The following SP100 variants were observed in gnomAD, a reference collection of about 807,000 sequenced individuals.
The protein encoded by SP100 is nuclear autoantigen Sp-100.
In SP100, 84 loss-of-function variants were observed where a neutral mutation model predicts 130.0. The ratio of observed to expected loss-of-function variants is 0.65; its 90% confidence interval spans 0.54 to 0.77. SP100 has a LOEUF of 0.77. Ranked by LOEUF, SP100 falls within the 30% of genes least tolerant of loss-of-function variation. The pLI, the probability that SP100 is intolerant of heterozygous loss-of-function variation, is 0.00. For missense variants in SP100, 978 were observed against 1,052.2 expected (o/e 0.93, Z 0.97); for synonymous variants, 331 against 351.7 (o/e 0.94, Z 0.66).
intron 11 of SP100, among the ~76,000 whole-genome samples, chr2:230,465,731 C>T (rs1613630): frequency 0.24 from 36,825 of 151,926 alleles, 5,112 homozygotes; most frequent in Middle Eastern, 0.33. Flanking sequence ...ACATATACCC[C>T]CAAACCTAAA....
At chr2:230,482,792 T>TA (rs1367355587) in intron 17 of SP100, among the ~76,000 whole-genome samples, 1 of 152,142 alleles carries the variant, frequency 6.6e-6, no homozygotes, top group Non-Finnish European at 1.5e-5. Flanking sequence ...TAGTAAATAC[T>TA]AAAATTTTAT....
intron 24 of SP100, among the ~76,000 whole-genome samples, chr2:230,511,513 G>A (rs1019106301): frequency 3.9e-5 from 6 of 152,152 alleles, no homozygotes; most frequent in African/African-American, 1.4e-4. Flanking sequence ...GAAAATAAAA[G>A]CATTTTCAAG....
chr2:230,507,036 G>C (rs1690166516), intron 22 of SP100: 1 of 152,052 alleles, frequency 6.6e-6, no homozygotes, highest in South Asian at 2.1e-4. Flanking sequence ...CAAATACAGT[G>C]CTTTCTGTTG....
chr2:230,431,485 G>A (rs535953084), intron 2 of SP100, among the ~76,000 whole-genome samples: 10 of 152,294 alleles, frequency 6.6e-5, no homozygotes, highest in African/African-American at 2.4e-4. Context: ...TCCAAGGGAG[G>A]TGGTTCAGCT....
At position 230,449,693 on chromosome 2, in the gene SP100, A is replaced by G. The variant is rs373320116; in HGVS notation, c.719A>G (p.Gln240Arg). ...GSQQTNEQCA[Q>R]KAEPTESCEQ... ...CAACAAACAAATGAACAATGTGCTC[A>G]AAAGGCTGAGCCAACAGGTAAGACT... The change falls in exon 7 of 29, where the codon CAA becomes CGA. Residue 240 changes from glutamine (Q) to arginine (R), a missense_variant. Coordinates refer to ENST00000340126, the MANE Select transcript of SP100 (RefSeq NM_001080391.2). The G allele has an allele frequency of 4.5e-5, 73 of 1,614,178 alleles. No individual in the cohort carries two copies. The highest frequency in any genetic ancestry group is 6.2e-5 in the Non-Finnish European group (73 of 1,180,014).
intron 2 of SP100, among the ~76,000 whole-genome samples, chr2:230,435,998 G>C (rs1477523961): frequency 6.6e-6 from 1 of 152,176 alleles, no homozygotes; most frequent in African/African-American, 2.4e-5. Flanking sequence ...GCAAACTAAT[G>C]CAGGAATATT....
chr2:230,541,885 T>C lies in SP100; in HGVS notation c.2404-7T>C. 6.2e-7 allele frequency: 1 copy of C among 1,611,940 alleles called. No homozygotes were observed. The highest frequency in any genetic ancestry group is 8.5e-7 in the Non-Finnish European group (1 of 1,179,370). ...TGATAGCCTCATTTTGGTCTTTTAC[T>C]CAACAGAACAGAGAGGGGTCTCAGG... On this transcript the variant is annotated splice_polypyrimidine_tract_variant and splice_region_variant and intron_variant, in intron 27 of 28. Coordinates refer to ENST00000340126, the MANE Select transcript of SP100 (RefSeq NM_001080391.2).
chr2:230,433,355 T>G (rs1205154592), intron 2 of SP100, among the ~76,000 whole-genome samples: 1 of 152,212 alleles, frequency 6.6e-6, no homozygotes, highest in Non-Finnish European at 1.5e-5. Context: ...TTGTATTGAT[T>G]TTTATATATA....
chr2:230,436,912 ATG>A (rs1216046293), intron 2 of SP100, among the ~76,000 whole-genome samples: 1 of 141,946 alleles, frequency 7.0e-6, no homozygotes, highest in African/African-American at 2.5e-5. Context: ...ACACGCATAT[ATG>A]TGTATACACA....
At chr2:230,528,261 C>A (rs1270989667) in intron 24 of SP100, among the ~76,000 whole-genome samples, 3 of 152,202 alleles carry the variant, frequency 2.0e-5, no homozygotes, top group Non-Finnish European at 4.4e-5. Context: ...AATTAGAACT[C>A]AAGATTAATA....
At chr2:230,422,332 T>C (rs916987924) in intron 2 of SP100, among the ~76,000 whole-genome samples, 5 of 152,180 alleles carry the variant, frequency 3.3e-5, no homozygotes, top group Admixed American at 2.0e-4. Context: ...CTGGAAGAAT[T>C]CATCAAGTGT....
rs546586846 is a variant in SP100 at position 230,418,587 on chromosome 2, CT to C, written c.107+929del. On this transcript the variant is annotated intron_variant, in intron 2 of 28. Coordinates refer to ENST00000340126, the MANE Select transcript of SP100 (RefSeq NM_001080391.2). Reference sequence around the variant, plus strand: ...TTTGCTTAGTCATAATCTGGATGAACTTTTTTTCTTTTTTTTTTTAACATTC... The same window carrying C: ...TTTGCTTAGTCATAATCTGGATGAACTTTTTTCTTTTTTTTTTTAACATTC... Among the ~76,000 whole-genome samples, 1,429 of 147,052 alleles carry C rather than the reference CT, an allele frequency of 9.7e-3. 9 individuals carry two copies. Among genetic ancestry groups the C allele is most frequent in the South Asian group, 0.017 (77 of 4,666 alleles).
intron 2 of SP100, among the ~76,000 whole-genome samples, chr2:230,438,730 A>G (rs2063378685): frequency 6.6e-6 from 1 of 151,998 alleles, no homozygotes; most frequent in East Asian, 1.9e-4. Flanking sequence ...GTGTATATAT[A>G]CATATATATA....
chr2:230,439,447 A>G (rs1257225205), intron 2 of SP100, among the ~76,000 whole-genome samples: 2 of 151,980 alleles, frequency 1.3e-5, no homozygotes, highest in Middle Eastern at 3.2e-3. Flanking sequence ...ATGTGTTTCC[A>G]TTTGCTTGTG....
intron 17 of SP100, among the ~76,000 whole-genome samples, chr2:230,489,978 A>C (rs1475094355): frequency 1.3e-5 from 2 of 152,198 alleles, no homozygotes; most frequent in Admixed American, 6.5e-5. Flanking sequence ...ACTGAAAAGA[A>C]CATATATTCT....
intron 8 of SP100, among the ~76,000 whole-genome samples, chr2:230,454,412 C>T (rs1184348570): frequency 1.3e-5 from 2 of 151,902 alleles, no homozygotes; most frequent in Non-Finnish European, 2.9e-5. Context: ...TTTATGTATT[C>T]TTGTGTTTAT....
chr2:230,530,899 C>T (rs1051916576), intron 24 of SP100, among the ~76,000 whole-genome samples: 5 of 152,106 alleles, frequency 3.3e-5, no homozygotes, highest in African/African-American at 1.2e-4. Context: ...GAATGGCGAT[C>T]ATTAAAAAGT....
chr2:230,515,923 G>T (rs1456599928), intron 24 of SP100: 1 of 1,096,524 alleles, frequency 9.1e-7, no homozygotes, highest in Admixed American at 4.7e-5. Flanking sequence ...CAAATTAGTT[G>T]TATATGAGGA....
chr2:230,425,926 T>C (rs1200130418), intron 2 of SP100, among the ~76,000 whole-genome samples: 1 of 152,154 alleles, frequency 6.6e-6, no homozygotes, highest in African/African-American at 2.4e-5. Flanking sequence ...TCAATCTTTT[T>C]ACTCATTATT....
Sources: allele counts gnomAD v4.1 joint callset (sites outside exome capture counted in the v4.1 genomes callset), GRCh38; gene constraint gnomAD v4.1.1; transcripts MANE v1.5; gene names NCBI Gene and HGNC (gene_info 2026-07-23, HGNC 2026-07-21).